Variants in RHEX observed in about 807,000 individuals in gnomAD.
The protein encoded by RHEX is regulator of hemoglobinization and erythroid cell expansion protein.
In RHEX, 18 loss-of-function variants were observed where a neutral mutation model predicts 20.1. The observed-to-expected ratio is 0.90, with a 90% CI of 0.62 to 1.33. The LOEUF is 1.33. Among genes scored for constraint, RHEX ranks in the 40% most tolerant of loss-of-function variants. The pLI, the probability that RHEX is intolerant of heterozygous loss-of-function variation, is 0.00. For synonymous variants in RHEX, 87 were observed against 77.1 expected, an observed-to-expected ratio of 1.13 and a Z score of -0.67; for missense variants, 192 against 214.3, an observed-to-expected ratio of 0.90 and a Z score of 0.65.
intron 1 of RHEX, among the ~76,000 whole-genome samples, chr1:206,084,377 C>T (rs782175677): frequency 1.3e-5 from 2 of 152,184 alleles, no homozygotes; most frequent in Non-Finnish European, 2.9e-5. Context: ...AAGAATTTTA[C>T]GCAGATTGGC....
intron 1 of RHEX, among the ~76,000 whole-genome samples, chr1:206,064,215 G>A (rs1426303770): frequency 6.7e-6 from 1 of 150,052 alleles, no homozygotes; most frequent in Non-Finnish European, 1.5e-5. Flanking sequence ...CGTCTGGGAA[G>A]TGAGGAGCGT....
At chr1:206,078,351 G>A (rs1171027201) in intron 1 of RHEX, among the ~76,000 whole-genome samples, 4 of 152,078 alleles carry the variant, frequency 2.6e-5, no homozygotes, top group African/African-American at 7.2e-5. Flanking sequence ...ACCAGCTTAG[G>A]CAACATAGTG....
intron 1 of RHEX, among the ~76,000 whole-genome samples, chr1:206,082,920 TG>T (rs1399108750): frequency 6.6e-6 from 1 of 152,242 alleles, no homozygotes; most frequent in East Asian, 1.9e-4. Context: ...GTTTCTATTT[TG>T]GGATTTTAGG....
chr1:206,089,990 T>C (rs1415805409), intron 1 of RHEX, among the ~76,000 whole-genome samples: 3 of 152,098 alleles, frequency 2.0e-5, no homozygotes, highest in Non-Finnish European at 4.4e-5. Flanking sequence ...ATCTAGGGTC[T>C]GGATCTAATT....
intron 1 of RHEX, among the ~76,000 whole-genome samples, chr1:206,096,040 G>C (rs1663060308): frequency 6.6e-6 from 1 of 152,044 alleles, no homozygotes; most frequent in Non-Finnish European, 1.5e-5. Context: ...ATGTTACCCG[G>C]GCTGGTCTTG....
chr1:206,081,265 G>C (rs1006063272), intron 1 of RHEX, among the ~76,000 whole-genome samples: 3 of 152,106 alleles, frequency 2.0e-5, no homozygotes, highest in Non-Finnish European at 2.9e-5. Context: ...AACATGTATC[G>C]AGTACATACT....
Position 206,102,248 on chromosome 1 carries a change from A to G in RHEX, c.*296A>G. 2.3e-6 allele frequency: 1 copy of G among 426,642 alleles called. No homozygotes were observed. The highest frequency in any genetic ancestry group is 4.3e-6 in the Non-Finnish European group (1 of 233,694). The allele number at this position is 426,642 out of a possible 1,614,324, so 26.4% of individuals were successfully genotyped here. ...AGATCAGATGTTAGGAAGAACTTTC[A>G]GGTAAAGTATGAGAACTATGGAGTC... On this transcript the variant is annotated 3_prime_UTR_variant, in exon 6 of 6. Transcript: ENST00000331555.
At chr1:206,099,567 C>T (rs1261375615) in intron 3 of RHEX, 88 bp from the exon 4 acceptor site, 3 of 1,301,844 alleles carry the variant, frequency 2.3e-6, no homozygotes, top group Admixed American at 2.2e-5. Flanking sequence ...GATCCATTTA[C>T]CTCAGCCTCC....
chr1:206,061,286 C>T (rs1158892532), intron 1 of RHEX: 1 of 152,154 alleles, frequency 6.6e-6, no homozygotes, highest in East Asian at 1.9e-4. Context: ...AGCAAACAAC[C>T]AAGTAAAGAT....
At chr1:206,099,168 G>C (rs1663135947) in intron 3 of RHEX, among the ~76,000 whole-genome samples, 1 of 152,172 alleles carries the variant, frequency 6.6e-6, no homozygotes, top group Admixed American at 6.5e-5. Flanking sequence ...GCTGGGACTT[G>C]GCTTTTTCCA....
intron 4 of RHEX, 95 bp downstream of exon 4, chr1:206,099,893 C>A: frequency 8.5e-7 from 1 of 1,177,160 alleles, no homozygotes; most frequent in Non-Finnish European, 1.2e-6. Context: ...TGGGCCCAAA[C>A]CTCTAGCCTG....
chr1:206,088,669 G>A (rs781922926), intron 1 of RHEX, among the ~76,000 whole-genome samples: 1 of 152,198 alleles, frequency 6.6e-6, no homozygotes, highest in South Asian at 2.1e-4. Flanking sequence ...GGGACAGAGC[G>A]AGACTCCGTC....
intron 3 of RHEX, among the ~76,000 whole-genome samples, chr1:206,099,340 A>T (rs1663139253): frequency 6.7e-6 from 1 of 148,344 alleles, no homozygotes; most frequent in Non-Finnish European, 1.5e-5. Context: ...TTTTTTTGAG[A>T]TGGAGTCTCA....
intron 1 of RHEX, among the ~76,000 whole-genome samples, chr1:206,082,450 G>A (rs782066903): frequency 1.3e-5 from 2 of 151,660 alleles, no homozygotes; most frequent in South Asian, 2.1e-4. Flanking sequence ...CCCAGGAGGC[G>A]GAGGTTGCAG....
intron 2 of RHEX, 108 bp from the exon 3 acceptor site, chr1:206,097,973 G>C: frequency 8.5e-7 from 1 of 1,171,076 alleles, no homozygotes; most frequent in Non-Finnish European, 1.3e-6. Flanking sequence ...CCTACCCTGG[G>C]ACACGCAGCA....
At chr1:206,086,816 C>T (rs939750612) in intron 1 of RHEX, among the ~76,000 whole-genome samples, 4 of 151,770 alleles carry the variant, frequency 2.6e-5, no homozygotes, top group Admixed American at 2.6e-4. Context: ...TGAGAACAGC[C>T]TGGGCAACAT....
chr1:206,099,445 AG>A (rs1256913818), intron 3 of RHEX, among the ~76,000 whole-genome samples: 1 of 151,616 alleles, frequency 6.6e-6, no homozygotes, highest in Non-Finnish European at 1.5e-5. Context: ...CAGCCTCCCT[AG>A]TATCTGACAT....
chr1:206,075,870 C>T (rs971748454), intron 1 of RHEX, among the ~76,000 whole-genome samples: 10 of 152,034 alleles, frequency 6.6e-5, no homozygotes, highest in Non-Finnish European at 1.2e-4. Flanking sequence ...CCAAGTCCTA[C>T]GATTACAGGC....
chr1:206,090,681 T>C (rs1312006739), intron 1 of RHEX, among the ~76,000 whole-genome samples: 2 of 152,134 alleles, frequency 1.3e-5, no homozygotes, highest in African/African-American at 4.8e-5. Flanking sequence ...CTTCTCAACC[T>C]GAAATAGCAT....
Sources: gnomAD v4.1 joint callset for allele counts (sites outside exome capture counted in the v4.1 genomes callset) on GRCh38, gnomAD v4.1.1 for gene constraint, MANE v1.5 for transcripts, NCBI Gene and HGNC (gene_info 2026-07-23, HGNC 2026-07-21) for gene names.